Variants in IPO5 observed in about 807,000 individuals in gnomAD.
The protein encoded by IPO5 is importin 5.
IPO5 carries 18 observed loss-of-function variants against 143.3 expected under a neutral mutation model. The ratio of observed to expected loss-of-function variants is 0.13; its 90% CI spans 0.09 to 0.19. The LOEUF is 0.19. IPO5 is among the 10% of genes least tolerant of loss of function. The pLI is 1.00. For synonymous variants in IPO5, 477 were observed against 465.7 expected (o/e 1.02, Z -0.31); for missense variants, 1,013 against 1,336.9 (o/e 0.76, Z 3.78).
Position 98,016,714 on chromosome 13 carries a change from G to A in IPO5, c.2494-15G>A. ...TTTTAATCCATATGAGTGTTTATGT[G>A]TATGTTTTTTTTAGGATGATAATGA... On this transcript the variant is annotated splice_polypyrimidine_tract_variant and intron_variant, in intron 24 of 28. Transcript: ENST00000651721. The A allele has an allele frequency of 7.5e-7, 1 of 1,336,902 alleles. No individual in the cohort carries two copies. Among genetic ancestry groups the A allele is most frequent in the Non-Finnish European group, 1.0e-6 (1 of 982,418 alleles). 82.8% of individuals were successfully genotyped at this position (1,336,902 alleles called of 1,614,324 possible).
intron 20 of IPO5, 107 bp from the exon 21 acceptor site, chr13:98,012,139 C>G (rs1889770281): frequency 2.9e-6 from 2 of 688,102 alleles, no homozygotes; most frequent in Non-Finnish European, 2.7e-6. Context: ...AAATGTAGTT[C>G]TAGTCAAAAT....
Position 98,012,351 on chromosome 13 carries a change from C to T in IPO5, c.2152+9C>T. 1 of 1,471,004 alleles carries T rather than the reference C, an allele frequency of 6.8e-7. No individual in the cohort carries two copies. The highest frequency in any genetic ancestry group is 9.5e-7 in the Non-Finnish European group (1 of 1,049,514). The allele number at this position is 1,471,004 out of a possible 1,614,324, so 91.1% of individuals were successfully genotyped here. A position where few individuals can be genotyped will look rare whatever the true frequency, so the allele number is the denominator to read the frequency against. On this transcript the variant is annotated intron_variant, in intron 21 of 28. Coordinates refer to ENST00000651721, the MANE Select transcript of IPO5 (RefSeq NM_002271.6). ...ATTTTATTTCCACGATGATATCCTA[C>T]AACTTCTGAATACAAAACATGTCTA...
rs1374837782 is a variant in IPO5 at position 98,019,775 on chromosome 13, C to G, written c.3031C>G (p.Gln1011Glu). The stretch of plus-strand genomic sequence containing the variant: ...ACATGAAGATAAAGAAGAAGCTGTT[C>G]AGACTTTCAATTATCTGTGTGACCT... Reference protein sequence around the residue: ...PLHEDKEEAVQTFNYLCDLIE... With the variant: ...PLHEDKEEAVETFNYLCDLIE... Residue 1011 changes from glutamine to glutamate, a missense_variant, in exon 27 of 29, where the codon CAG (glutamine) becomes GAG (glutamate). Physicochemically the swap from Gln to Glu is conservative, Grantham distance 29. Transcript: ENST00000651721. 4 of 1,613,418 alleles carry G rather than the reference C, an allele frequency of 2.5e-6. No individual in the cohort carries two copies. Among genetic ancestry groups the G allele is most frequent in the East Asian group, 2.2e-5 (1 of 44,888 alleles).
Position 98,019,827 on chromosome 13 carries a change from G to A in IPO5, c.3065+18G>A. On this transcript the variant is annotated intron_variant, in intron 27 of 28. Transcript: ENST00000651721. ...ATTGAAAGGTAGGAAAGCAGACTGT[G>A]ACCTTATTTCCTTCTCCTCCACAGT... 1 of 1,531,252 alleles carries A rather than the reference G, an allele frequency of 6.5e-7. No homozygotes were observed. Among genetic ancestry groups the A allele is most frequent in the East Asian group, 2.2e-5 (1 of 44,504 alleles). The allele number at this position is 1,531,252 out of a possible 1,614,324, so 94.9% of individuals were successfully genotyped here.
At chr13:98,014,472 A>C (rs1889962698) in intron 22 of IPO5, among the ~76,000 whole-genome samples, 1 of 152,144 alleles carries the variant, frequency 6.6e-6, no homozygotes, top group Non-Finnish European at 1.5e-5. Context: ...GATGTTCCTC[A>C]GGTCTCAAAC....
Position 98,022,871 on chromosome 13 carries a change from T to C in IPO5, c.*1049T>C, listed in dbSNP as rs1890578481. ...ATGGCTAAAGTTATTTACTGAAAAT[T>C]TCAGTAAAATGTGTGAATGTTTCTT... On this transcript the variant is annotated 3_prime_UTR_variant, in exon 29 of 29. Coordinates refer to ENST00000651721, the MANE Select transcript of IPO5 (RefSeq NM_002271.6). The C allele has an allele frequency of 2.6e-5, 4 of 152,664 alleles. No homozygotes were observed. The highest frequency in any genetic ancestry group is 9.6e-5 in the African/African-American group (4 of 41,470). 9.5% of individuals were successfully genotyped at this position (152,664 alleles called of 1,614,324 possible).
chr13:97,973,415 T>C (rs374667219), intron 3 of IPO5, among the ~76,000 whole-genome samples: 1 of 152,176 alleles, frequency 6.6e-6, no homozygotes, highest in African/African-American at 2.4e-5. Flanking sequence ...AATGGGCTTC[T>C]AAGTGCAGTA....
intron 6 of IPO5, among the ~76,000 whole-genome samples, 195 bp from the exon 7 acceptor site, chr13:97,988,865 CTT>C (rs35403275): frequency 0.052 from 7,443 of 141,782 alleles, 455 homozygotes; most frequent in East Asian, 0.34. Context: ...TTTGTTTGGT[CTT>C]TTTTTTTTTT....
Position 97,991,737 on chromosome 13 carries a change from G to C in IPO5, c.670-1155G>C, listed in dbSNP as rs1012917920. Among the ~76,000 whole-genome samples the C allele has an allele frequency of 5.9e-5, 9 of 152,112 alleles. No individual in the cohort carries two copies. The East Asian group carries it at 1.7e-3, about 29-fold the overall frequency. ...TGATTGATACAGTAGTTACATTGGA[G>C]GGGGGGATAACAGTTGTTAAAACCA... is the stretch of plus-strand genomic sequence containing the variant. On this transcript the variant is annotated intron_variant, in intron 9 of 28. Transcript: ENST00000651721.
chr13:97,983,652 A>G (rs936696393), intron 5 of IPO5, among the ~76,000 whole-genome samples: 3 of 151,048 alleles, frequency 2.0e-5, no homozygotes, highest in Non-Finnish European at 2.9e-5. Flanking sequence ...CTAGAAAACT[A>G]TTCTACCTAC....
At chr13:98,015,064 T>G (rs9556857) in intron 22 of IPO5, among the ~76,000 whole-genome samples, 8,069 of 152,220 alleles carry the variant, frequency 0.053, 561 homozygotes, top group East Asian at 0.38. Flanking sequence ...CTCAGCATCT[T>G]TATATGTCCT....
chr13:98,021,156 G>T, intron 28 of IPO5, 23 bp downstream of exon 28: 1 of 1,572,118 alleles, frequency 6.4e-7, no homozygotes, highest in South Asian at 1.2e-5. Flanking sequence ...GGTTGAATTG[G>T]GGAGGGGGAG....
At chr13:97,966,480 A>G (rs1011920326) in intron 2 of IPO5, among the ~76,000 whole-genome samples, 1 of 152,156 alleles carries the variant, frequency 6.6e-6, no homozygotes, top group African/African-American at 2.4e-5. Flanking sequence ...ATTTCACTTA[A>G]TCATGGTAGA....
chr13:98,021,639 G>T lies in IPO5; in HGVS notation c.3208-97G>T, dbSNP rs1334951010. Reference sequence around the variant, plus strand: ...ATCAAAATAATGTACCTAGGGAGAAGGTATTTTGCCATGATTACAGTTTAC... The same window carrying T: ...ATCAAAATAATGTACCTAGGGAGAATGTATTTTGCCATGATTACAGTTTAC... On this transcript the variant is annotated intron_variant, in intron 28 of 28. Transcript: ENST00000651721. 5.4e-6 allele frequency: 3 copies of T among 558,984 alleles called. No homozygotes were observed. The African/African-American group carries it at 5.6e-5, about 10-fold the overall frequency. The allele number at this position is 558,984 out of a possible 1,614,324, so 34.6% of individuals were successfully genotyped here. A position where few individuals can be genotyped will look rare whatever the true frequency, so the allele number is the denominator to read the frequency against.
intron 3 of IPO5, chr13:97,975,911 A>G: frequency 1.0e-6 from 1 of 985,472 alleles, no homozygotes; most frequent in Non-Finnish European, 1.2e-6. Flanking sequence ...GAGTCACTGG[A>G]GAGCGCGACG....
intron 20 of IPO5, 29 bp downstream of exon 20, chr13:98,010,253 T>G (rs765335037): frequency 6.3e-7 from 1 of 1,599,984 alleles, no homozygotes; most frequent in East Asian, 2.2e-5. Context: ...TACTAAACTT[T>G]TATTTTACAT....
intron 3 of IPO5, among the ~76,000 whole-genome samples, chr13:97,971,294 T>G (rs1003485197): frequency 3.3e-5 from 5 of 152,234 alleles, no homozygotes; most frequent in Non-Finnish European, 5.9e-5. Context: ...TCAGGATTGT[T>G]AGGGTCCCAC....
rs147614063 is a variant in IPO5 at position 97,999,985 on chromosome 13, C to G, written c.1002-554C>G. On this transcript the variant is annotated intron_variant, in intron 12 of 28. Coordinates refer to ENST00000651721, the MANE Select transcript of IPO5 (RefSeq NM_002271.6). Reference sequence around the variant, plus strand: ...TTAGCCAGTAGCGGGTGGGGGTGGTCTTGAAAAATAAGATTCAGGCTGGGC... The same window carrying G: ...TTAGCCAGTAGCGGGTGGGGGTGGTGTTGAAAAATAAGATTCAGGCTGGGC... Among the ~76,000 whole-genome samples the G allele has an allele frequency of 3.8e-3, 585 of 152,102 alleles. 3 individuals are homozygous for G. Among genetic ancestry groups the G allele is most frequent in the African/African-American group, 0.014 (564 of 41,532 alleles).
intron 4 of IPO5, chr13:97,980,035 C>A: frequency 4.5e-6 from 2 of 443,650 alleles, no homozygotes; most frequent in South Asian, 1.6e-5. Flanking sequence ...GAAGTCTTTG[C>A]ATTGTGTAAA....
Sources: allele counts gnomAD v4.1 joint callset (sites outside exome capture counted in the v4.1 genomes callset), GRCh38; gene constraint gnomAD v4.1.1; transcripts MANE v1.5; gene names NCBI Gene and HGNC (gene_info 2026-07-23, HGNC 2026-07-21).